ME1: variants seen among roughly 807,000 people sequenced by gnomAD.
ME1 encodes the protein NADP-dependent malic enzyme.
In ME1, 74 loss-of-function variants were observed where a neutral mutation model predicts 66.4. That is an observed-to-expected ratio of 1.11 (90% CI 0.92 to 1.35). The LOEUF (loss-of-function observed/expected upper bound fraction) is 1.35. ME1 is among the 40% of genes most tolerant of loss of function. The pLI, the probability that ME1 is intolerant of heterozygous loss-of-function variation, is 0.00. For missense variants in ME1, 750 were observed against 694.1 expected, an observed-to-expected ratio of 1.08 and a Z score of -0.90; for synonymous variants, 251 against 235.6, an observed-to-expected ratio of 1.07 and a Z score of -0.60.
At chr6:83,396,970 C>G (rs979308821) in intron 3 of ME1, among the ~76,000 whole-genome samples, 1 of 151,620 alleles carries the variant, frequency 6.6e-6, no homozygotes. Context: ...TATTTCACAC[C>G]ATATTAAAAA....
At chr6:83,403,148 T>C (rs1339252546) in intron 2 of ME1, among the ~76,000 whole-genome samples, 6 of 152,184 alleles carry the variant, frequency 3.9e-5, no homozygotes, top group Non-Finnish European at 7.3e-5. Context: ...CTTTTGAGGA[T>C]AGGGTTGGTG....
At chr6:83,375,576 AC>A in intron 3 of ME1, among the ~76,000 whole-genome samples, 1 of 152,174 alleles carries the variant, frequency 6.6e-6, no homozygotes, top group Admixed American at 6.5e-5. Flanking sequence ...TTATCTGAAT[AC>A]CTTTTATTTC....
intron 3 of ME1, among the ~76,000 whole-genome samples, chr6:83,380,863 CA>C (rs1461650557): frequency 6.6e-6 from 1 of 151,894 alleles, no homozygotes; most frequent in Non-Finnish European, 1.5e-5. Flanking sequence ...AAATAGAACC[CA>C]GAATAAAACC....
intron 11 of ME1, 38 bp downstream of exon 11, chr6:83,227,297 A>C (rs112373117): frequency 1.4e-6 from 2 of 1,401,920 alleles, no homozygotes; most frequent in Admixed American, 2.4e-5. Flanking sequence ...ATGAATAAAA[A>C]TTTGATTATT....
intron 9 of ME1, among the ~76,000 whole-genome samples, chr6:83,232,290 CAGT>C (rs748536485): frequency 5.9e-5 from 9 of 152,134 alleles, no homozygotes; most frequent in Non-Finnish European, 1.0e-4. Context: ...AGCACATAGT[CAGT>C]AGCATTTCAC....
intron 3 of ME1, among the ~76,000 whole-genome samples, chr6:83,397,827 A>G (rs1210010584): frequency 6.6e-6 from 1 of 152,232 alleles, no homozygotes; most frequent in African/African-American, 2.4e-5. Context: ...GTCATTTGCA[A>G]CAATACAGAT....
intron 6 of ME1, among the ~76,000 whole-genome samples, chr6:83,313,480 T>C (rs1472270551): frequency 2.0e-5 from 3 of 152,330 alleles, no homozygotes; most frequent in African/African-American, 4.8e-5. Flanking sequence ...AAACTTTTCA[T>C]TGATTCCCAA....
chr6:83,259,042 A>G (rs1369534627), intron 6 of ME1, among the ~76,000 whole-genome samples: 2 of 152,222 alleles, frequency 1.3e-5, no homozygotes, highest in African/African-American at 2.4e-5. Context: ...GAGAACATGA[A>G]TCTTTCTTTG....
intron 1 of ME1, among the ~76,000 whole-genome samples, chr6:83,428,525 G>T (rs1770416132): frequency 6.6e-6 from 1 of 152,160 alleles, no homozygotes; most frequent in African/African-American, 2.4e-5. Flanking sequence ...GTTGTTGAGG[G>T]AAGTAAAATC....
intron 6 of ME1, among the ~76,000 whole-genome samples, chr6:83,289,440 G>A (rs1466358466): frequency 1.3e-5 from 2 of 152,166 alleles, no homozygotes; most frequent in African/African-American, 4.8e-5. Context: ...CTGTTTATGT[G>A]ATGGATTTTG....
intron 1 of ME1, among the ~76,000 whole-genome samples, chr6:83,424,054 G>A (rs1427719973): frequency 2.0e-5 from 3 of 148,122 alleles, no homozygotes; most frequent in African/African-American, 7.5e-5. Flanking sequence ...CTGTGATCAC[G>A]CCATTGCACT....
At chr6:83,321,514 C>T (rs1312941201) in intron 5 of ME1, among the ~76,000 whole-genome samples, 1 of 152,048 alleles carries the variant, frequency 6.6e-6, no homozygotes, top group Admixed American at 6.5e-5. Flanking sequence ...TTTCCCCTCA[C>T]AGTGTAAATA....
chr6:83,355,685 G>A (rs147196727), intron 3 of ME1, among the ~76,000 whole-genome samples: 3 of 152,134 alleles, frequency 2.0e-5, no homozygotes, highest in African/African-American at 2.4e-5. Context: ...ATTAGAAACC[G>A]AATGAGATAT....
chr6:83,221,687 T>A (rs1790094083), intron 12 of ME1, among the ~76,000 whole-genome samples: 1 of 151,988 alleles, frequency 6.6e-6, no homozygotes, highest in Non-Finnish European at 1.5e-5. Context: ...ATACACAGAT[T>A]TGGCCACTAC....
intron 12 of ME1, among the ~76,000 whole-genome samples, chr6:83,219,696 C>T (rs911976170): frequency 6.6e-6 from 1 of 151,842 alleles, no homozygotes; most frequent in Non-Finnish European, 1.5e-5. Flanking sequence ...GCCTCAGACT[C>T]CCGAGTAGCT....
chr6:83,222,870 A>G (rs1255085500), intron 12 of ME1, among the ~76,000 whole-genome samples: 1 of 152,246 alleles, frequency 6.6e-6, no homozygotes, highest in Non-Finnish European at 1.5e-5. Context: ...AAGATTCCCC[A>G]GTGGGCCTGC....
chr6:83,240,966 G>A (rs1410712037), intron 7 of ME1, among the ~76,000 whole-genome samples: 1 of 151,996 alleles, frequency 6.6e-6, no homozygotes, highest in Non-Finnish European at 1.5e-5. Flanking sequence ...AGTCACTATT[G>A]CAATAATTAT....
intron 7 of ME1, among the ~76,000 whole-genome samples, chr6:83,249,468 G>A (rs968965463): frequency 4.6e-5 from 7 of 152,010 alleles, no homozygotes; most frequent in African/African-American, 1.2e-4. Context: ...TTCGTGATCC[G>A]CCCGCCTTGG....
rs749380058 is a variant in ME1, at chr6:83,430,862, G to A, written c.78+15C>T. Reference sequence around the variant, plus strand: ...AGAGGGGCCGATGGGCGGCCAGGTGGGCCTGCGGGTTTACCTTGTTGAGGT... The same window carrying A: ...AGAGGGGCCGATGGGCGGCCAGGTGAGCCTGCGGGTTTACCTTGTTGAGGT... On this transcript the variant is annotated intron_variant, in intron 1 of 13. Transcript: ENST00000369705. 1.9e-6 allele frequency: 3 copies of A among 1,592,856 alleles called. No individual in the cohort carries two copies. Among genetic ancestry groups the A allele is most frequent in the Non-Finnish European group, 2.6e-6 (3 of 1,169,224 alleles).
Sources: gnomAD v4.1 joint callset for allele counts (sites outside exome capture counted in the v4.1 genomes callset) on GRCh38, gnomAD v4.1.1 for gene constraint, MANE v1.5 for transcripts, NCBI Gene and HGNC (gene_info 2026-07-23, HGNC 2026-07-21) for gene names.